The following UTRN variants were observed in gnomAD, a reference collection of about 807,000 sequenced individuals.
UTRN encodes utrophin, also known as dystrophin-related protein 1.
Under a neutral mutation model 463.9 loss-of-function variants are expected in UTRN, and 283 were observed. That is an observed-to-expected ratio of 0.61 (90% CI 0.55 to 0.67). The LOEUF (loss-of-function observed/expected upper bound fraction) is 0.67, where lower values mean the gene tolerates loss of function less well. Among genes scored for constraint, UTRN ranks in the 30% least tolerant of loss-of-function variants. The probability of loss-of-function intolerance (pLI) is 0.00; values close to 1 mark genes in which losing one functional copy is unlikely to be tolerated. For synonymous variants in UTRN, 1,442 were observed against 1,431.5 expected, an observed-to-expected ratio of 1.01 and a Z score of -0.17; for missense variants, 3,922 against 4,084.3, an observed-to-expected ratio of 0.96 and a Z score of 1.08.
intron 43 of UTRN, among the ~76,000 whole-genome samples, chr6:144,535,360 G>A (rs1585162191): frequency 6.6e-6 from 1 of 152,304 alleles, no homozygotes; most frequent in African/African-American, 2.4e-5. Flanking sequence ...GGAATTACAG[G>A]CATGAGCCAC....
At chr6:144,706,984 C>G (rs748292753) in intron 53 of UTRN, 13 of 152,122 alleles carry the variant, frequency 8.5e-5, no homozygotes, top group African/African-American at 2.7e-4. Context: ...CAAATAGCTA[C>G]TAATAGGACT....
At chr6:144,694,565 A>G (rs1783782853) in intron 52 of UTRN, among the ~76,000 whole-genome samples, 1 of 152,036 alleles carries the variant, frequency 6.6e-6, no homozygotes, top group South Asian at 2.1e-4. Flanking sequence ...ACTCAATTTC[A>G]GAGCTCATTA....
intron 69 of UTRN, among the ~76,000 whole-genome samples, chr6:144,831,649 T>A (rs1197537678): frequency 6.6e-6 from 1 of 152,212 alleles, no homozygotes; most frequent in East Asian, 1.9e-4. Flanking sequence ...ATGTTACGAA[T>A]ACTACATATC....
At chr6:144,673,646 T>A (rs1402258035) in intron 51 of UTRN, among the ~76,000 whole-genome samples, 3 of 152,164 alleles carry the variant, frequency 2.0e-5, no homozygotes, top group African/African-American at 7.2e-5. Context: ...ACATTCAATG[T>A]TAGTATTGAG....
At chr6:144,610,298 C>T (rs776777045) in intron 51 of UTRN, among the ~76,000 whole-genome samples, 132 of 151,202 alleles carry the variant, frequency 8.7e-4, no homozygotes, top group Non-Finnish European at 1.5e-3. Flanking sequence ...AACAATTATA[C>T]AGCAACTAAT....
intron 23 of UTRN, among the ~76,000 whole-genome samples, chr6:144,470,944 CAGGGAGGTTGCA>C (rs1240509858): frequency 6.6e-6 from 1 of 150,918 alleles, no homozygotes; most frequent in African/African-American, 2.4e-5. Flanking sequence ...GAGAATCAGG[CAGGGAGGTTGCA>C]TTGAGCCGAG....
rs111539944 is a variant in UTRN at position 144,319,930 on chromosome 6, C to A, written c.79+28023C>A. Among the ~76,000 whole-genome samples the A allele has an allele frequency of 4.7e-3, 709 of 151,842 alleles. 7 individuals are homozygous for A. Among genetic ancestry groups the A allele is most frequent in the African/African-American group, 0.015 (640 of 41,368 alleles). ...GTGTAATGGTGTGATCTTGGCTCACCGCAATGTCCGCCTCCTAGGTTCAAG... is the reference window on the plus strand; with the variant it reads ...GTGTAATGGTGTGATCTTGGCTCACAGCAATGTCCGCCTCCTAGGTTCAAG... On this transcript the variant is annotated intron_variant, in intron 2 of 74. Transcript: ENST00000367545.
chr6:144,356,843 A>C (rs1584419298), intron 2 of UTRN, among the ~76,000 whole-genome samples: 1 of 143,846 alleles, frequency 7.0e-6, no homozygotes, highest in East Asian at 2.1e-4. Flanking sequence ...ATAAATAAAT[A>C]AATATATGTG....
chr6:144,426,774 T>C (rs1267709897), intron 7 of UTRN, among the ~76,000 whole-genome samples: 1 of 152,164 alleles, frequency 6.6e-6, no homozygotes, highest in South Asian at 2.1e-4. Context: ...ATACAAAAAA[T>C]TGTGTTAGCT....
intron 2 of UTRN, among the ~76,000 whole-genome samples, chr6:144,355,378 T>G (rs1452756698): frequency 6.6e-6 from 1 of 152,076 alleles, no homozygotes; most frequent in Non-Finnish European, 1.5e-5. Flanking sequence ...TTTGTATTTT[T>G]GGTAGAGATG....
chr6:144,694,314 T>C (rs1476332033), intron 52 of UTRN, among the ~76,000 whole-genome samples: 1 of 151,156 alleles, frequency 6.6e-6, no homozygotes, highest in East Asian at 2.0e-4. Flanking sequence ...GATTTTTGAA[T>C]TGATGTTCAT....
intron 46 of UTRN, 101 bp from the exon 47 acceptor site, chr6:144,548,539 A>G (rs1798618372): frequency 1.7e-6 from 2 of 1,164,248 alleles, no homozygotes; most frequent in Non-Finnish European, 2.4e-6. Flanking sequence ...TTTTACTTAA[A>G]CTAAATTTTA....
chr6:144,610,211 C>T (rs886338148), intron 51 of UTRN, among the ~76,000 whole-genome samples: 13 of 138,460 alleles, frequency 9.4e-5, no homozygotes, highest in African/African-American at 3.4e-4. Flanking sequence ...AAAAAAGACC[C>T]AAAGAAGTAA....
At chr6:144,451,653 A>G (rs773210791) in intron 18 of UTRN, among the ~76,000 whole-genome samples, 160 bp downstream of exon 18, 1 of 151,396 alleles carries the variant, frequency 6.6e-6, no homozygotes, top group African/African-American at 2.4e-5. Context: ...GAATCCATTC[A>G]TGCTAGCTGT....
chr6:144,551,935 C>T lies in UTRN; in HGVS notation c.6928+853C>T, dbSNP rs180682742. Reference sequence around the variant, plus strand: ...TGTCATCCCCTTTGTGACATCTTTCCCTCCTCTTCTGGTCCCTGGTGAATG... The same window carrying T: ...TGTCATCCCCTTTGTGACATCTTTCTCTCCTCTTCTGGTCCCTGGTGAATG... On this transcript the variant is annotated intron_variant, in intron 48 of 74. Coordinates refer to ENST00000367545, the MANE Select transcript of UTRN (RefSeq NM_007124.3). 1.2e-3 allele frequency among the ~76,000 whole-genome samples: 178 copies of T among 151,980 alleles called. 1 individual carries two copies. The highest frequency in any genetic ancestry group is 4.2e-3 in the African/African-American group (175 of 41,420).
chr6:144,836,191 A>G (rs1781087575), intron 70 of UTRN, 110 bp from the exon 71 acceptor site: 2 of 1,532,000 alleles, frequency 1.3e-6, no homozygotes, highest in African/African-American at 2.8e-5. Context: ...ATTAATACAC[A>G]TTTTTATATA....
chr6:144,378,822 A>T (rs889994119), intron 2 of UTRN, among the ~76,000 whole-genome samples: 2 of 152,220 alleles, frequency 1.3e-5, no homozygotes, highest in Non-Finnish European at 2.9e-5. Flanking sequence ...TTTAGGCTGG[A>T]GGCAAGAGAT....
rs540250667 is a variant in UTRN, at chr6:144,570,286, G to A, written c.7290-6813G>A. Among the ~76,000 whole-genome samples the A allele has an allele frequency of 2.0e-5, 3 of 152,220 alleles. No homozygotes were observed. In the South Asian group the frequency reaches 6.2e-4, roughly 32 times the overall value. On this transcript the variant is annotated intron_variant, in intron 50 of 74. Coordinates refer to ENST00000367545, the MANE Select transcript of UTRN (RefSeq NM_007124.3). ...AAGGTAAAAAAAAGTAAAATGTAGA[G>A]GTCTGGATGCGACAGAGGCAGTGAC...
Position 144,531,088 on chromosome 6 carries a change from C to G in UTRN, c.5943C>G (p.Phe1981Leu). ...FDRAMEEWRQ[F>L]HCDLNDLTQW... ...GGGCAATGGAAGAATGGAGACAGTTCCATTGTGACCTTAATGACCTCACAC... is the reference window on the plus strand; with the variant it reads ...GGGCAATGGAAGAATGGAGACAGTTGCATTGTGACCTTAATGACCTCACAC... Residue 1981 changes from phenylalanine (F) to leucine (L), a missense_variant, in exon 42 of 75, where the codon TTC (phenylalanine) becomes TTG (leucine). Physicochemically the swap from Phe to Leu is conservative, Grantham distance 22. This residue lies in a region of UTRN where 2,349 missense variants were observed against 2,303.8 expected (regional missense o/e 1.02). Coordinates refer to ENST00000367545, the MANE Select transcript of UTRN (RefSeq NM_007124.3). 1.2e-6 allele frequency: 2 copies of G among 1,613,940 alleles called. No homozygotes were observed. The highest frequency in any genetic ancestry group is 1.7e-6 in the Non-Finnish European group (2 of 1,179,918).
Sources: allele counts gnomAD v4.1 joint callset (sites outside exome capture counted in the v4.1 genomes callset), GRCh38; gene constraint gnomAD v4.1.1; regional missense constraint gnomAD v4.1.1; transcripts MANE v1.5; gene names NCBI Gene and HGNC (gene_info 2026-07-23, HGNC 2026-07-21).